The following KATNIP variants were observed in gnomAD, a reference collection of about 807,000 sequenced individuals.
KATNIP encodes the protein katanin-interacting protein.
A neutral mutation model predicts 174.0 loss-of-function variants in KATNIP; 126 were observed. The ratio of observed to expected loss-of-function variants is 0.72; its 90% confidence interval spans 0.63 to 0.84. KATNIP has a LOEUF of 0.84. KATNIP is among the 40% of genes least tolerant of loss of function. The pLI is 0.00. For synonymous variants in KATNIP, 810 were observed against 835.7 expected, an observed-to-expected ratio of 0.97 and a Z score of 0.53; for missense variants, 1,958 against 2,109.7, an observed-to-expected ratio of 0.93 and a Z score of 1.41.
At chr16:27,775,384 G>T (rs908831341) in intron 24 of KATNIP, among the ~76,000 whole-genome samples, 2 of 152,226 alleles carry the variant, frequency 1.3e-5, no homozygotes, top group African/African-American at 4.8e-5. Context: ...GGTCCCTGCA[G>T]GCAGCCCTCT....
At chr16:27,680,775 A>G (rs1405166910) in intron 7 of KATNIP, among the ~76,000 whole-genome samples, 1 of 151,968 alleles carries the variant, frequency 6.6e-6, no homozygotes, top group Non-Finnish European at 1.5e-5. Context: ...GCTCACTGCA[A>G]CCTCCATCTT....
At chr16:27,734,151 C>T (rs1481516592) in intron 14 of KATNIP, among the ~76,000 whole-genome samples, 1 of 151,770 alleles carries the variant, frequency 6.6e-6, no homozygotes, top group Non-Finnish European at 1.5e-5. Context: ...GGCACAATCT[C>T]GGCTCACTGC....
intron 14 of KATNIP, among the ~76,000 whole-genome samples, chr16:27,726,850 G>A (rs930080934): frequency 5.0e-4 from 76 of 152,158 alleles, no homozygotes; most frequent in Non-Finnish European, 1.5e-4. Context: ...CTGTGGTTTC[G>A]CCAAGTGGCT....
chr16:27,660,106 C>T (rs2077422238), intron 6 of KATNIP: 1 of 655,218 alleles, frequency 1.5e-6, no homozygotes, highest in Non-Finnish European at 1.9e-6. Context: ...TTTCCATAAA[C>T]ATTCTGGGGC....
intron 3 of KATNIP, 27 bp downstream of exon 3, chr16:27,618,528 C>G (rs1191460292): frequency 6.6e-7 from 1 of 1,507,136 alleles, no homozygotes; most frequent in South Asian, 1.1e-5. Context: ...GACGGCAGCC[C>G]TTGATATTAG....
intron 6 of KATNIP, among the ~76,000 whole-genome samples, chr16:27,671,827 G>A (rs564476335): frequency 1.1e-3 from 160 of 152,216 alleles, no homozygotes; most frequent in African/African-American, 3.6e-3. Flanking sequence ...TGGCTGAGGC[G>A]GGTGGATCAC....
chr16:27,772,627 G>A (rs1434142640), intron 22 of KATNIP, among the ~76,000 whole-genome samples: 2 of 152,226 alleles, frequency 1.3e-5, no homozygotes, highest in African/African-American at 4.8e-5. Context: ...TTAGCCTCCT[G>A]TTTACTTGAA....
rs897166027 is a variant in KATNIP at position 27,634,596 on chromosome 16, C to A, written c.408+3434C>A. Among the ~76,000 whole-genome samples the A allele has an allele frequency of 2.0e-5, 3 of 152,140 alleles. No homozygotes were observed. In the East Asian group the frequency reaches 5.8e-4, roughly 29 times the overall value. On this transcript the variant is annotated intron_variant, in intron 5 of 27. Coordinates refer to ENST00000261588, the MANE Select transcript of KATNIP (RefSeq NM_015202.5). Reference sequence around the variant, plus strand: ...AGTGACTCCATGCCTGCTGGGACAGCGCTATGAAGACCCTGCCCCGCAGCC... The same window carrying A: ...AGTGACTCCATGCCTGCTGGGACAGAGCTATGAAGACCCTGCCCCGCAGCC...
intron 20 of KATNIP, 123 bp from the exon 21 acceptor site, chr16:27,769,738 G>C (rs2082235176): frequency 8.6e-7 from 1 of 1,157,558 alleles, no homozygotes; most frequent in South Asian, 1.4e-5. Flanking sequence ...ACCTCGGTCA[G>C]GTGGCTCTGC....
intron 2 of KATNIP, chr16:27,574,398 C>G: frequency 5.0e-6 from 1 of 198,732 alleles, no homozygotes; most frequent in South Asian, 8.8e-5. Context: ...TCCTCCACAC[C>G]TCACCTCTTA....
chr16:27,558,099 T>C (rs1298000899), intron 1 of KATNIP, among the ~76,000 whole-genome samples: 1 of 152,212 alleles, frequency 6.6e-6, no homozygotes, highest in Non-Finnish European at 1.5e-5. Context: ...TTGTGAAAAC[T>C]CCTGTGGACT....
chr16:27,650,618 A>G (rs1567253481), intron 6 of KATNIP, among the ~76,000 whole-genome samples: 1 of 152,178 alleles, frequency 6.6e-6, no homozygotes. Context: ...AAGGACTCTT[A>G]CTGGAGATGG....
chr16:27,601,820 G>A (rs1235033050), intron 2 of KATNIP, among the ~76,000 whole-genome samples: 1 of 152,208 alleles, frequency 6.6e-6, no homozygotes, highest in Non-Finnish European at 1.5e-5. Context: ...GGGGCCGGCA[G>A]CAGCCCTGGG....
chr16:27,615,132 G>A (rs1393517053), intron 2 of KATNIP, among the ~76,000 whole-genome samples: 1 of 151,972 alleles, frequency 6.6e-6, no homozygotes, highest in East Asian at 1.9e-4. Flanking sequence ...AATTTGGCAA[G>A]TAGGACGTTT....
At position 27,740,181 on chromosome 16, in the gene KATNIP, A is replaced by G. The variant is rs1234260381; in HGVS notation, c.1884A>G (p.Gln628=). The part of the protein sequence containing the change: ...LVDQKNEKSE[Q]LEEAMNAHSE... Reference sequence around the variant, plus strand: ...ACCAGAAGAACGAGAAGAGCGAGCAACTAGAGGAGGCCATGAACGCTCACT... The same window carrying G: ...ACCAGAAGAACGAGAAGAGCGAGCAGCTAGAGGAGGCCATGAACGCTCACT... Residue 628 remains glutamine (Q), a synonymous_variant, in exon 15 of 28, where the codon CAA becomes CAG. Transcript: ENST00000261588. 1.9e-6 allele frequency: 3 copies of G among 1,614,046 alleles called. No homozygotes were observed. The highest frequency in any genetic ancestry group is 2.5e-6 in the Non-Finnish European group (3 of 1,180,026).
At chr16:27,576,023 A>G (rs1405087826) in intron 2 of KATNIP, among the ~76,000 whole-genome samples, 3 of 152,154 alleles carry the variant, frequency 2.0e-5, no homozygotes, top group African/African-American at 7.2e-5. Context: ...CCCTCAGTTA[A>G]CTGACCTGGG....
chr16:27,641,381 G>A (rs1009289712), intron 5 of KATNIP, among the ~76,000 whole-genome samples: 3 of 151,982 alleles, frequency 2.0e-5, no homozygotes, highest in African/African-American at 7.3e-5. Flanking sequence ...CTTAGGTTCC[G>A]CCACCCTGCT....
rs551138045 is a variant in KATNIP, at chr16:27,674,391, A to G, written c.541-3338A>G. Among the ~76,000 whole-genome samples the G allele has an allele frequency of 2.0e-5, 3 of 152,330 alleles. No homozygotes were observed. In the South Asian group the frequency reaches 6.2e-4, roughly 32 times the overall value. On this transcript the variant is annotated intron_variant, in intron 6 of 27. Coordinates refer to ENST00000261588, the MANE Select transcript of KATNIP (RefSeq NM_015202.5). ...TAATAATAAAAAATAAAATCAAGGC[A>G]TTGGCGGGACTGCATTCCTTCTGGA...
chr16:27,724,000 C>A (rs1050484622), intron 14 of KATNIP, among the ~76,000 whole-genome samples: 1 of 152,238 alleles, frequency 6.6e-6, no homozygotes, highest in Admixed American at 6.5e-5. Flanking sequence ...AGAGCTTTCT[C>A]TGATTTCTGA....
Sources: gnomAD v4.1 joint callset for allele counts (sites outside exome capture counted in the v4.1 genomes callset) on GRCh38, gnomAD v4.1.1 for gene constraint, MANE v1.5 for transcripts, NCBI Gene and HGNC (gene_info 2026-07-23, HGNC 2026-07-21) for gene names.